The following DCC variants were observed in gnomAD, a reference collection of about 807,000 sequenced individuals.
The protein encoded by DCC is netrin receptor DCC.
In DCC, 58 loss-of-function variants were observed where a neutral mutation model predicts 172.5. That is an observed-to-expected ratio of 0.34 (90% CI 0.27 to 0.42). DCC has a LOEUF of 0.42. DCC is among the 10% of genes least tolerant of loss of function. The pLI is 1.00. For missense variants in DCC, 1,740 were observed against 1,791.0 expected (o/e 0.97, Z 0.51); for synonymous variants, 709 against 644.5 (o/e 1.10, Z -1.52).
intron 2 of DCC, among the ~76,000 whole-genome samples, chr18:52,879,918 T>C (rs2039458802): frequency 6.6e-6 from 1 of 152,162 alleles, no homozygotes; most frequent in Admixed American, 6.5e-5. Context: ...AGTAGGTGTA[T>C]ATATTTATGG....
intron 1 of DCC, among the ~76,000 whole-genome samples, chr18:52,420,807 C>T (rs943848190): frequency 6.6e-6 from 1 of 151,842 alleles, no homozygotes; most frequent in African/African-American, 2.4e-5. Flanking sequence ...GTCAGCCTGG[C>T]ATCATGGAAA....
chr18:53,529,034 TCTCTCA>T (rs1246583750), intron 28 of DCC, among the ~76,000 whole-genome samples: 3,851 of 63,518 alleles, frequency 0.061, 55 homozygotes, highest in East Asian at 0.19. Flanking sequence ...TCTCTCTCTC[TCTCTCA>T]CACACACACA....
intron 2 of DCC, among the ~76,000 whole-genome samples, chr18:52,837,519 G>A (rs2038727470): frequency 6.6e-6 from 1 of 152,154 alleles, no homozygotes; most frequent in South Asian, 2.1e-4. Flanking sequence ...TAACGAGAGT[G>A]ACCTTTACTC....
intron 8 of DCC, among the ~76,000 whole-genome samples, chr18:53,177,595 C>G (rs1007634077): frequency 1.5e-4 from 23 of 152,180 alleles, no homozygotes; most frequent in African/African-American, 5.1e-4. Context: ...ATTGTTCCAT[C>G]ATCACCCATA....
chr18:52,365,143 C>T (rs1984790683), intron 1 of DCC, among the ~76,000 whole-genome samples: 1 of 152,208 alleles, frequency 6.6e-6, no homozygotes, highest in African/African-American at 2.4e-5. Flanking sequence ...ATCTTCCTTG[C>T]TCTCTGATCT....
intron 2 of DCC, among the ~76,000 whole-genome samples, chr18:52,899,716 A>G (rs954890745): frequency 6.6e-6 from 1 of 151,888 alleles, no homozygotes; most frequent in Non-Finnish European, 1.5e-5. Context: ...AGTTGGTCTC[A>G]AACTCCTGTC....
At chr18:52,467,506 A>G (rs112192235) in intron 1 of DCC, among the ~76,000 whole-genome samples, 1 of 152,188 alleles carries the variant, frequency 6.6e-6, no homozygotes, top group Non-Finnish European at 1.5e-5. Flanking sequence ...TGCAATAAAC[A>G]TATCTGTGCA....
intron 7 of DCC, among the ~76,000 whole-genome samples, chr18:53,096,613 A>G (rs2043091587): frequency 6.6e-6 from 1 of 152,128 alleles, no homozygotes; most frequent in Non-Finnish European, 1.5e-5. Flanking sequence ...AAAGACATCA[A>G]AATAAATATA....
chr18:52,642,099 C>T (rs2144903979), intron 1 of DCC, among the ~76,000 whole-genome samples: 1 of 143,250 alleles, frequency 7.0e-6, no homozygotes, highest in South Asian at 2.3e-4. Flanking sequence ...CACACACACT[C>T]ACACACACAT....
chr18:52,394,845 G>T (rs554411035), intron 1 of DCC, among the ~76,000 whole-genome samples: 7 of 152,178 alleles, frequency 4.6e-5, no homozygotes, highest in South Asian at 4.1e-4. Context: ...TCAGAGAGCA[G>T]CTCAAATGAG....
At chr18:52,431,047 C>T (rs1405544459) in intron 1 of DCC, among the ~76,000 whole-genome samples, 2 of 152,136 alleles carry the variant, frequency 1.3e-5, no homozygotes, top group Non-Finnish European at 2.9e-5. Context: ...TGGAAAGGTA[C>T]TTCCACTTGC....
intron 2 of DCC, among the ~76,000 whole-genome samples, chr18:52,815,779 T>C (rs2038285669): frequency 6.6e-6 from 1 of 152,220 alleles, no homozygotes; most frequent in African/African-American, 2.4e-5. Context: ...AACTATGATA[T>C]ATCTCCAATG....
chr18:52,780,111 A>G (rs2037508405), intron 2 of DCC, among the ~76,000 whole-genome samples: 1 of 152,104 alleles, frequency 6.6e-6, no homozygotes, highest in African/African-American at 2.4e-5. Context: ...GGTTTTTCAT[A>G]GCTTTCTGCA....
rs188432819 is a variant in DCC, at chr18:52,372,927, G to T, written c.91+32049G>T. 3.2e-3 allele frequency among the ~76,000 whole-genome samples: 491 copies of T among 152,258 alleles called. 1 individual carries two copies. The highest frequency in any genetic ancestry group is 0.011 in the African/African-American group (459 of 41,540). On this transcript the variant is annotated intron_variant, in intron 1 of 28. Transcript: ENST00000442544. Reference sequence around the variant, plus strand: ...TTATTGTTCGAATGGAAAATGCAGTGCATTTTGCTAAAAACCTGTCCTTGA... The same window carrying T: ...TTATTGTTCGAATGGAAAATGCAGTTCATTTTGCTAAAAACCTGTCCTTGA...
At chr18:52,832,551 A>G (rs1158115181) in intron 2 of DCC, among the ~76,000 whole-genome samples, 1 of 152,106 alleles carries the variant, frequency 6.6e-6, no homozygotes, top group Non-Finnish European at 1.5e-5. Flanking sequence ...TACTAACTCA[A>G]AAACAGTCTT....
At chr18:53,218,093 C>T (rs2055880842) in intron 12 of DCC, among the ~76,000 whole-genome samples, 1 of 152,090 alleles carries the variant, frequency 6.6e-6, no homozygotes, top group Admixed American at 6.6e-5. Flanking sequence ...AAGCTATCCT[C>T]CCACCTTGGT....
chr18:52,850,809 A>AT (rs2038964041), intron 2 of DCC, among the ~76,000 whole-genome samples: 1 of 152,108 alleles, frequency 6.6e-6, no homozygotes, highest in African/African-American at 2.4e-5. Flanking sequence ...GTAAAATCAT[A>AT]TTTAGGGTCA....
At chr18:52,456,644 A>C (rs1988466016) in intron 1 of DCC, among the ~76,000 whole-genome samples, 1 of 152,200 alleles carries the variant, frequency 6.6e-6, no homozygotes, top group Non-Finnish European at 1.5e-5. Flanking sequence ...TTGTTGTTTG[A>C]AGATATAAAT....
chr18:53,325,808 T>G (rs1207433157), intron 14 of DCC, among the ~76,000 whole-genome samples: 5 of 151,934 alleles, frequency 3.3e-5, no homozygotes, highest in Admixed American at 3.3e-4. Flanking sequence ...TCATGGGGAG[T>G]ACAAACATGA....
Sources: allele counts gnomAD v4.1 joint callset (sites outside exome capture counted in the v4.1 genomes callset), GRCh38; gene constraint gnomAD v4.1.1; transcripts MANE v1.5; gene names NCBI Gene and HGNC (gene_info 2026-07-23, HGNC 2026-07-21).